AKIRIN1: variants seen among roughly 807,000 people sequenced by gnomAD.
AKIRIN1 encodes akirin 1, also known as akirin-1.
A neutral mutation model predicts 25.9 loss-of-function variants in AKIRIN1; 4 were observed. The observed-to-expected ratio is 0.15, with a 90% confidence interval of 0.08 to 0.35. AKIRIN1 has a LOEUF of 0.35. AKIRIN1 is among the 10% of genes least tolerant of loss of function. AKIRIN1 has a pLI of 1.00. For missense variants in AKIRIN1, 243 were observed against 266.1 expected, an observed-to-expected ratio of 0.91 and a Z score of 0.61; for synonymous variants, 125 against 105.1, an observed-to-expected ratio of 1.19 and a Z score of -1.16.
chr1:39,000,349 T>TC (rs1643980390), intron 2 of AKIRIN1, among the ~76,000 whole-genome samples: 1 of 67,436 alleles, frequency 1.5e-5, no homozygotes, highest in Non-Finnish European at 4.0e-5. Flanking sequence ...CTTTTTCTTT[T>TC]TTTTTTTTTT....
chr1:38,995,554 T>C (rs1293075888), intron 1 of AKIRIN1, among the ~76,000 whole-genome samples: 1 of 152,272 alleles, frequency 6.6e-6, no homozygotes, highest in Non-Finnish European at 1.5e-5. Context: ...GTTTAGATTC[T>C]TGGACTTCTT....
chr1:39,000,931 ACCACCGCACCTGG>A, intron 2 of AKIRIN1, 28 bp from the exon 3 acceptor site: 1 of 1,580,140 alleles, frequency 6.3e-7, no homozygotes, highest in Non-Finnish European at 8.6e-7. Context: ...ATAGGTGTGA[ACCACCGCACCTGG>A]CCCAAACTCA....
intron 2 of AKIRIN1, among the ~76,000 whole-genome samples, chr1:38,998,661 T>C (rs937727885): frequency 6.6e-6 from 1 of 152,104 alleles, no homozygotes; most frequent in Non-Finnish European, 1.5e-5. Context: ...CCTAGCACTT[T>C]GGGAGGCTGA....
At chr1:39,003,515 T>C (rs1449138971) in intron 4 of AKIRIN1, 97 bp downstream of exon 4, 2 of 1,128,026 alleles carry the variant, frequency 1.8e-6, no homozygotes, top group East Asian at 4.8e-5. Flanking sequence ...CCCTGTGAAG[T>C]AAAATGTGCC....
intron 1 of AKIRIN1, among the ~76,000 whole-genome samples, chr1:38,993,496 T>G (rs549940289): frequency 1.3e-5 from 2 of 151,462 alleles, no homozygotes; most frequent in Admixed American, 6.6e-5. Flanking sequence ...GGGGCAGTGG[T>G]GGCATGCACT....
Position 39,004,234 on chromosome 1 carries a change from CAT to C in AKIRIN1, c.*182_*183del, listed in dbSNP as rs1164923654. 1 of 737,606 alleles carries C rather than the reference CAT, an allele frequency of 1.4e-6. No homozygotes were observed. Among genetic ancestry groups the C allele is most frequent in the Non-Finnish European group, 2.4e-6 (1 of 408,650 alleles). The allele number at this position is 737,606 out of a possible 1,614,324, so 45.7% of individuals were successfully genotyped here. The stretch of plus-strand genomic sequence containing the variant: ...CGTAAAACTTTCTGGTTGCCACAAG[CAT>C]ATCTTTCTTTTCTGCTCATCCAATA... On this transcript the variant is annotated 3_prime_UTR_variant, in exon 5 of 5. Transcript: ENST00000432648.
intron 1 of AKIRIN1, among the ~76,000 whole-genome samples, chr1:38,993,556 G>A (rs1042094911): frequency 2.6e-5 from 4 of 151,348 alleles, no homozygotes; most frequent in South Asian, 2.1e-4. Context: ...GTTTGAAGCC[G>A]GGAGGCAGAG....
chr1:39,002,273 C>A (rs538135926), intron 3 of AKIRIN1, among the ~76,000 whole-genome samples: 1 of 152,162 alleles, frequency 6.6e-6, no homozygotes, highest in African/African-American at 2.4e-5. Flanking sequence ...TGAAGAAGCA[C>A]AACTTTTTCC....
intron 1 of AKIRIN1, among the ~76,000 whole-genome samples, chr1:38,995,346 C>T (rs939867863): frequency 3.9e-5 from 6 of 152,182 alleles, no homozygotes; most frequent in African/African-American, 1.4e-4. Context: ...GCAGTAGGAA[C>T]ACTGTAGAGT....
At chr1:38,991,672 G>GTGGT in intron 1 of AKIRIN1, 72 bp downstream of exon 1, 2 of 469,282 alleles carry the variant, frequency 4.3e-6, no homozygotes, top group Non-Finnish European at 6.1e-6. Context: ...GTGGGGGAGG[G>GTGGT]TTGGGAATAC....
intron 1 of AKIRIN1, among the ~76,000 whole-genome samples, chr1:38,996,637 C>T (rs1012688277): frequency 6.6e-6 from 1 of 152,166 alleles, no homozygotes; most frequent in African/African-American, 2.4e-5. Context: ...TCAAGAGATT[C>T]TCCTGCCTCA....
At chr1:39,000,750 G>A (rs145502749) in intron 2 of AKIRIN1, among the ~76,000 whole-genome samples, 2,761 of 151,306 alleles carry the variant, frequency 0.018, 78 homozygotes, top group African/African-American at 0.062. Flanking sequence ...GCCACCTCTC[G>A]GGTTCAAGCA....
intron 2 of AKIRIN1, among the ~76,000 whole-genome samples, chr1:38,999,795 T>C (rs1557642640): frequency 2.0e-5 from 3 of 152,216 alleles, no homozygotes; most frequent in South Asian, 2.1e-4. Flanking sequence ...AGAAACAGAT[T>C]TTAGCCTGAG....
rs1644016001 is a variant in AKIRIN1 at position 39,004,213 on chromosome 1, A to C, written c.*158A>C. 1 of 816,124 alleles carries C rather than the reference A, an allele frequency of 1.2e-6. No homozygotes were observed. Among genetic ancestry groups the C allele is most frequent in the Non-Finnish European group, 2.1e-6 (1 of 470,210 alleles). 50.6% of individuals were successfully genotyped at this position (816,124 alleles called of 1,614,324 possible). On this transcript the variant is annotated 3_prime_UTR_variant, in exon 5 of 5. Transcript: ENST00000432648. ...ATTTTATACAACTTGAAAGACCGTA[A>C]AACTTTCTGGTTGCCACAAGCATAT...
chr1:38,992,485 A>G (rs2148063808), intron 1 of AKIRIN1, among the ~76,000 whole-genome samples: 1 of 152,214 alleles, frequency 6.6e-6, no homozygotes, highest in African/African-American at 2.4e-5. Context: ...TCTATTCCTC[A>G]AGCTTAAGCA....
chr1:38,993,651 A>G (rs1250361068), intron 1 of AKIRIN1, among the ~76,000 whole-genome samples: 2 of 148,360 alleles, frequency 1.3e-5, no homozygotes, highest in African/African-American at 2.5e-5. Flanking sequence ...AAAAAAAGAG[A>G]ATGTGGGCAA....
intron 2 of AKIRIN1, among the ~76,000 whole-genome samples, chr1:38,999,194 C>A (rs1398786493): frequency 6.6e-6 from 1 of 152,190 alleles, no homozygotes; most frequent in African/African-American, 2.4e-5. Flanking sequence ...TCTCCTTTAA[C>A]AGTAGAAGAG....
In AKIRIN1 at chr1:38,992,860, C is replaced by T. The variant is rs1037588365; in HGVS notation, c.220+1260C>T. Among the ~76,000 whole-genome samples the T allele has an allele frequency of 7.9e-5, 12 of 152,188 alleles. 1 individual carries two copies. Among genetic ancestry groups the T allele is most frequent in the African/African-American group, 2.7e-4 (11 of 41,444 alleles). Reference sequence around the variant, plus strand: ...AAAAGAGTAATTTCAAGTCTCTTATCCATTAGCTGACTAACCTGCCCATAA... The same window carrying T: ...AAAAGAGTAATTTCAAGTCTCTTATTCATTAGCTGACTAACCTGCCCATAA... On this transcript the variant is annotated intron_variant, in intron 1 of 4. Transcript: ENST00000432648.
At chr1:39,003,598 C>G (rs1262176834) in intron 4 of AKIRIN1, among the ~76,000 whole-genome samples, 180 bp downstream of exon 4, 1 of 152,158 alleles carries the variant, frequency 6.6e-6, no homozygotes. Context: ...TGAGGGAGTA[C>G]TATTATTAGC....
Sources: gnomAD v4.1 joint callset for allele counts (sites outside exome capture counted in the v4.1 genomes callset) on GRCh38, gnomAD v4.1.1 for gene constraint, MANE v1.5 for transcripts, NCBI Gene and HGNC (gene_info 2026-07-23, HGNC 2026-07-21) for gene names.